STIL: variants seen among roughly 807,000 people sequenced by gnomAD.
STIL encodes SCL-interrupting locus protein.
STIL carries 55 observed loss-of-function variants against 110.1 expected under a neutral mutation model. The observed-to-expected ratio is 0.50, with a 90% CI of 0.40 to 0.63. STIL has a LOEUF of 0.63. Ranked by LOEUF, STIL falls within the 20% of genes least tolerant of loss-of-function variation. The pLI, the probability that STIL is intolerant of heterozygous loss-of-function variation, is 0.00. For missense variants in STIL, 1,358 were observed against 1,530.0 expected (o/e 0.89, Z 1.87); for synonymous variants, 481 against 530.0 (o/e 0.91, Z 1.27).
intron 13 of STIL, 117 bp downstream of exon 13, chr1:47,271,959 A>T: frequency 9.4e-7 from 1 of 1,063,118 alleles, no homozygotes; most frequent in Non-Finnish European, 1.4e-6. Flanking sequence ...TCATACTCTC[A>T]TCACCTTGGT....
chr1:47,259,942 G>GA (rs1274191098), intron 16 of STIL, among the ~76,000 whole-genome samples: 2 of 152,190 alleles, frequency 1.3e-5, no homozygotes, highest in Admixed American at 6.6e-5. Context: ...ATCACCTCCA[G>GA]AAAGACTTTT....
chr1:47,272,173 T>C lies in STIL; in HGVS notation c.2286A>G (p.Thr762=). 6.2e-7 allele frequency: 1 copy of C among 1,614,210 alleles called. No homozygotes were observed. The highest frequency in any genetic ancestry group is 8.5e-7 in the Non-Finnish European group (1 of 1,180,028). Residue 762 remains threonine (T), a synonymous_variant, in exon 13 of 17, where the codon ACA becomes ACG. Transcript: ENST00000371877. The part of the protein sequence containing the change: ...CSPKTTAVED[T]VQAGRQMELV... ...ACTCCATTTGTCTTCCAGCTTGCAC[T>C]GTGTCTTCAACAGCAGTTGTCTTAG...
intron 2 of STIL, among the ~76,000 whole-genome samples, chr1:47,305,798 T>C (rs933991828): frequency 9.5e-5 from 13 of 136,594 alleles, no homozygotes; most frequent in Non-Finnish European, 3.1e-5. Flanking sequence ...AATGGCGTGA[T>C]CTCAGCTCAC....
intron 16 of STIL, among the ~76,000 whole-genome samples, chr1:47,254,890 T>C (rs902524614): frequency 6.6e-6 from 1 of 152,146 alleles, no homozygotes; most frequent in Non-Finnish European, 1.5e-5. Context: ...CATAAAGTAG[T>C]CAATATCAGT....
chr1:47,263,195 G>A, intron 14 of STIL, 79 bp from the exon 15 acceptor site: 3 of 1,328,414 alleles, frequency 2.3e-6, no homozygotes, highest in Non-Finnish European at 3.2e-6. Context: ...AGAAAAAAGG[G>A]TTAAGACTCA....
At position 47,305,033 on chromosome 1, in the gene STIL, A is replaced by G. The variant is rs546312155; in HGVS notation, c.45-37T>C. 214 of 1,463,494 alleles carry G rather than the reference A, an allele frequency of 1.5e-4. No individual in the cohort carries two copies. In the South Asian group the frequency reaches 2.3e-3, roughly 16 times the overall value. The allele number at this position is 1,463,494 out of a possible 1,614,324, so 90.7% of individuals were successfully genotyped here. A position where few individuals can be genotyped will look rare whatever the true frequency, so the allele number is the denominator to read the frequency against. On this transcript the variant is annotated intron_variant, in intron 2 of 16. Coordinates refer to ENST00000371877, the MANE Select transcript of STIL (RefSeq NM_001048166.1). ...ACAATGTAAAATTAAAGCACAAGGAATAGCAAACTTGGTAGACATTTGGTA... is the reference window on the plus strand; with the variant it reads ...ACAATGTAAAATTAAAGCACAAGGAGTAGCAAACTTGGTAGACATTTGGTA...
intron 7 of STIL, among the ~76,000 whole-genome samples, chr1:47,293,994 G>C (rs1645570278): frequency 6.6e-6 from 1 of 152,212 alleles, no homozygotes; most frequent in Admixed American, 6.5e-5. Flanking sequence ...TAGTCAGAAA[G>C]AGAGAAGGCT....
In STIL at chr1:47,252,928, AT is replaced by A. The variant is rs536394073; in HGVS notation, c.3081-1007del. ...TCACATATATAATAAATAGCTGCTAATTTTTTTTTTTGGAGACAGGGTCTTG... is the reference window on the plus strand; with the variant it reads ...TCACATATATAATAAATAGCTGCTAATTTTTTTTTTGGAGACAGGGTCTTG... On this transcript the variant is annotated intron_variant, in intron 16 of 16. Transcript: ENST00000371877. Among the ~76,000 whole-genome samples, 202 of 147,342 alleles carry A rather than the reference AT, an allele frequency of 1.4e-3. 1 individual carries two copies. Among genetic ancestry groups the A allele is most frequent in the Middle Eastern group, 3.5e-3 (1 of 286 alleles).
intron 16 of STIL, among the ~76,000 whole-genome samples, chr1:47,259,006 T>TTTTTTTTTTTTTTTG (rs55925437): frequency 1.9e-5 from 1 of 51,702 alleles, no homozygotes. Flanking sequence ...TTTTTTTTTT[T>TTTTTTTTTTTTTTTG]GAGACAGTCT....
chr1:47,259,354 ATC>A (rs765423898), intron 16 of STIL, among the ~76,000 whole-genome samples: 160 of 128,406 alleles, frequency 1.2e-3, no homozygotes, highest in Non-Finnish European at 2.1e-3. Flanking sequence ...CAGTGGCGCT[ATC>A]TCGGCTCACT....
chr1:47,257,466 C>T (rs1644360391), intron 16 of STIL, among the ~76,000 whole-genome samples: 1 of 152,082 alleles, frequency 6.6e-6, no homozygotes, highest in Non-Finnish European at 1.5e-5. Context: ...CATACTCCAG[C>T]CTGGGTGACA....
intron 12 of STIL, 137 bp downstream of exon 12, chr1:47,280,104 T>C (rs890338925): frequency 3.7e-5 from 44 of 1,179,734 alleles, no homozygotes; most frequent in Non-Finnish European, 4.5e-5. Context: ...CAAGAGGGCC[T>C]AGAATTCAGT....
rs1287823712 is a variant in STIL, at chr1:47,280,317, C to G, written c.2141G>C (p.Gly714Ala). 6.2e-7 allele frequency: 1 copy of G among 1,614,098 alleles called. No homozygotes were observed. The highest frequency in any genetic ancestry group is 1.3e-5 in the African/African-American group (1 of 74,928). ...TGCATCTGGAGATAGTCCCATCATT[C>G]CATTATCTGACTCAGTCTTGGGTGT... ...MHTPKTESDN[G>A]MMGLSPDAYR... The change falls in exon 12 of 17, where the codon GGA (glycine) becomes GCA (alanine). Residue 714 changes from glycine to alanine, a missense_variant. Transcript: ENST00000371877.
At position 47,287,650 on chromosome 1, in the gene STIL, G is replaced by A; in HGVS notation, c.1034C>T (p.Pro345Leu). ...ACAACGGATTGGATTTTTGTCAGGA[G>A]GTTCAACATTCTGAAATGAAGTAGG... ...ETLHLFKNVE[P>L]PDKNPIRCEL... The change falls in exon 10 of 17, where the codon CCT becomes CTT. Residue 345 changes from proline (P) to leucine (L), a missense_variant. Coordinates refer to ENST00000371877, the MANE Select transcript of STIL (RefSeq NM_001048166.1). 1 of 1,612,826 alleles carries A rather than the reference G, an allele frequency of 6.2e-7. No individual in the cohort carries two copies. Among genetic ancestry groups the A allele is most frequent in the Admixed American group, 1.7e-5 (1 of 59,988 alleles).
upstream of STIL, among the ~76,000 whole-genome samples, chr1:47,314,356 C>G (rs920651960): frequency 6.6e-6 from 1 of 152,250 alleles, no homozygotes; most frequent in African/African-American, 2.4e-5. Context: ...GCCACCGGCG[C>G]TCCAGGATCA....
At chr1:47,302,376 G>C (rs1221139689) in intron 3 of STIL, 30 bp from the exon 4 acceptor site, 2 of 1,520,318 alleles carry the variant, frequency 1.3e-6, no homozygotes, top group Non-Finnish European at 1.8e-6. Flanking sequence ...TTATGAATAT[G>C]GTAGACCTCA....
In STIL at chr1:47,251,602, T is replaced by A; in HGVS notation, c.3401A>T (p.Asp1134Val). 6.2e-7 allele frequency: 1 copy of A among 1,613,924 alleles called. No homozygotes were observed. The highest frequency in any genetic ancestry group is 8.5e-7 in the Non-Finnish European group (1 of 1,179,928). ...AGGTTCCTCTTCATCTTCACTATTG[T>A]CACTGCTTTGTAGGAGTCCATATCT... ...MKRYGLLQSSDNSEDEEEPPD... is the reference protein window; with the variant it reads ...MKRYGLLQSSVNSEDEEEPPD... Residue 1134 changes from aspartate (D) to valine (V), a missense_variant, in exon 17 of 17, where the codon GAC (aspartate) becomes GTC (valine). Coordinates refer to ENST00000371877, the MANE Select transcript of STIL (RefSeq NM_001048166.1).
At chr1:47,304,485 T>C (rs942638607) in intron 3 of STIL, among the ~76,000 whole-genome samples, 1 of 152,374 alleles carries the variant, frequency 6.6e-6, no homozygotes, top group South Asian at 2.1e-4. Context: ...TATTTTCTAT[T>C]ACTTTACACC....
intron 8 of STIL, among the ~76,000 whole-genome samples, chr1:47,292,079 C>T (rs1299625928): frequency 6.7e-6 from 1 of 150,278 alleles, no homozygotes; most frequent in African/African-American, 2.5e-5. Context: ...CCAGGCTGGT[C>T]TGGAACTCCT....
Sources: allele counts gnomAD v4.1 joint callset (sites outside exome capture counted in the v4.1 genomes callset), GRCh38; gene constraint gnomAD v4.1.1; transcripts MANE v1.5; gene names NCBI Gene and HGNC (gene_info 2026-07-23, HGNC 2026-07-21).